The following MAD2L2 variants were observed in gnomAD, a reference collection of about 807,000 sequenced individuals.
MAD2L2 encodes the protein mitotic spindle assembly checkpoint protein MAD2B.
MAD2L2 carries 17 observed loss-of-function variants against 30.5 expected under a neutral mutation model. The ratio of observed to expected loss-of-function variants is 0.56; its 90% CI spans 0.38 to 0.84. MAD2L2 has a LOEUF of 0.84. Ranked by LOEUF, MAD2L2 falls within the 40% of genes least tolerant of loss-of-function variation. MAD2L2 has a pLI of 0.00. For missense variants in MAD2L2, 213 were observed against 277.4 expected (o/e 0.77, Z 1.65); for synonymous variants, 101 against 113.9 (o/e 0.89, Z 0.72).
At chr1:11,685,569 T>G (rs1570294667), upstream of MAD2L2, among the ~76,000 whole-genome samples, 1 of 152,206 alleles carries the variant, frequency 6.6e-6, no homozygotes, top group African/African-American at 2.4e-5. Context: ...AACCTCAGTT[T>G]GCTCATCTGT....
chr1:11,682,280 A>C (rs1640891823), upstream of MAD2L2, among the ~76,000 whole-genome samples: 1 of 152,186 alleles, frequency 6.6e-6, no homozygotes. Flanking sequence ...CTAAGATCTG[A>C]GAAGCAGCTA....
chr1:11,689,531 G>T (rs1641023729), intron 1 of MAD2L2, among the ~76,000 whole-genome samples: 1 of 152,128 alleles, frequency 6.6e-6, no homozygotes, highest in Non-Finnish European at 1.5e-5. Flanking sequence ...GGGAGGTGGA[G>T]GTTGCAGTGA....
rs1640751151 is a variant in MAD2L2, at chr1:11,675,707, TG to T, written c.451del (p.His151ThrfsTer36). 1 of 1,613,972 alleles carries T rather than the reference TG, an allele frequency of 6.2e-7. No individual in the cohort carries two copies. The highest frequency in any genetic ancestry group is 8.5e-7 in the Non-Finnish European group (1 of 1,179,998). On this transcript the variant is annotated frameshift_variant, in exon 7 of 9. Transcript: ENST00000376692. LOFTEE classifies it high-confidence loss of function. ...GTTGCGAGTGGCGGCTTCTCTCGTG[TG>T]CACCAGGACTGTGAAGGTACAGCCT... is the stretch of plus-strand genomic sequence containing the variant. The part of the protein sequence containing the change: ...PPGCTFTVLV[H>X]TREAATRNME...
At chr1:11,689,757 C>T (rs1641028027) in intron 1 of MAD2L2, among the ~76,000 whole-genome samples, 1 of 152,126 alleles carries the variant, frequency 6.6e-6, no homozygotes, top group Non-Finnish European at 1.5e-5. Flanking sequence ...TCTTAATAAA[C>T]TTTTTACTCT....
At chr1:11,679,672 G>A (rs997147548) in intron 3 of MAD2L2, among the ~76,000 whole-genome samples, 3 of 151,630 alleles carry the variant, frequency 2.0e-5, no homozygotes, top group Non-Finnish European at 2.9e-5. Context: ...GATTACAGGC[G>A]CGTACCACCA....
At chr1:11,680,956 G>T in intron 1 of MAD2L2, 83 bp downstream of exon 1, 1 of 254,290 alleles carries the variant, frequency 3.9e-6, no homozygotes, top group Non-Finnish European at 6.9e-6. Flanking sequence ...GGAAAGCGAA[G>T]CGGGGTTGGA....
chr1:11,686,229 T>C (rs1402358531), intron 1 of MAD2L2, among the ~76,000 whole-genome samples: 1 of 152,160 alleles, frequency 6.6e-6, no homozygotes, highest in Non-Finnish European at 1.5e-5. Flanking sequence ...AAGGACTTCC[T>C]GCTGACAGCT....
upstream of MAD2L2, among the ~76,000 whole-genome samples, chr1:11,684,724 T>C (rs1640930170): frequency 6.6e-6 from 1 of 152,058 alleles, no homozygotes; most frequent in Non-Finnish European, 1.5e-5. Context: ...GAATCAGCTC[T>C]CCCACCCTGC....
chr1:11,674,532 G>C lies in MAD2L2; in HGVS notation c.*243C>G. The C allele has an allele frequency of 1.9e-6, 1 of 521,868 alleles. No homozygotes were observed. The allele number at this position is 521,868 out of a possible 1,614,324, so 32.3% of individuals were successfully genotyped here. On this transcript the variant is annotated 3_prime_UTR_variant, in exon 9 of 9. Coordinates refer to ENST00000376692, the MANE Select transcript of MAD2L2 (RefSeq NM_006341.4). This position sits in a 1 kb window ranked among gnomAD's most constrained non-coding sequence, Gnocchi z 6.1. ...TGAAACAACTCACAGCACAGTATTT[G>C]AGACAGACAGTGTTGGCCGGCGGAA...
upstream of MAD2L2, among the ~76,000 whole-genome samples, chr1:11,682,978 C>A (rs1309670184): frequency 6.6e-6 from 1 of 152,198 alleles, no homozygotes; most frequent in African/African-American, 2.4e-5. Flanking sequence ...CTCCTTGAGA[C>A]TGACTCATTG....
chr1:11,682,238 T>C (rs1437749655), upstream of MAD2L2, among the ~76,000 whole-genome samples: 2 of 152,152 alleles, frequency 1.3e-5, no homozygotes, highest in African/African-American at 4.8e-5. Context: ...CTTCCACTTA[T>C]TTACAGCCCC....
chr1:11,680,592 G>T lies in MAD2L2; in HGVS notation c.10C>A (p.Leu4Ile). The part of the protein sequence containing the change: MTT[L>I]TRQDLNFGQV... ...CCAAAGTTGAGGTCTTGTCGTGTGA[G>T]CGTGGTCATCCTTCCCGCTACCTGA... The change falls in exon 2 of 9, where the codon CTC (leucine) becomes ATC (isoleucine). Residue 4 changes from leucine to isoleucine, a missense_variant. Physicochemically the swap from Leu to Ile is conservative, Grantham distance 5. Coordinates refer to ENST00000376692, the MANE Select transcript of MAD2L2 (RefSeq NM_006341.4). The T allele has an allele frequency of 6.3e-7, 1 of 1,577,514 alleles. No individual in the cohort carries two copies. The highest frequency in any genetic ancestry group is 2.3e-5 in the East Asian group (1 of 44,222).
At chr1:11,682,113 C>T (rs950623068), upstream of MAD2L2, 1 of 152,226 alleles carries the variant, frequency 6.6e-6, no homozygotes, top group African/African-American at 2.4e-5. Context: ...GCTAAGTCTC[C>T]ATTTTATAGC....
upstream of MAD2L2, among the ~76,000 whole-genome samples, chr1:11,682,265 G>A (rs1368851506): frequency 6.6e-6 from 1 of 152,138 alleles, no homozygotes; most frequent in South Asian, 2.1e-4. Flanking sequence ...TTACAAGTGA[G>A]AAAACTAAGA....
In MAD2L2 at chr1:11,690,012, T is replaced by C. The variant is rs574903186; in HGVS notation, c.-692+1401A>G. ...AACCACGTGGCTCATTACCTCCTTTTCTTTGCCAAAAGAACTGCCCCAGCA... is the reference window on the plus strand; with the variant it reads ...AACCACGTGGCTCATTACCTCCTTTCCTTTGCCAAAAGAACTGCCCCAGCA... On this transcript the variant is annotated intron_variant, in intron 1 of 10. Coordinates refer to the MAD2L2 transcript ENST00000235310. This position sits in a 1 kb window ranked among gnomAD's most constrained non-coding sequence, Gnocchi z 4.2. 2.0e-3 allele frequency among the ~76,000 whole-genome samples: 299 copies of C among 152,150 alleles called. 2 individuals are homozygous for C. Among genetic ancestry groups the C allele is most frequent in the African/African-American group, 6.8e-3 (282 of 41,492 alleles).
chr1:11,689,292 CAAAAAAAAAA>C (rs70983584), intron 1 of MAD2L2, among the ~76,000 whole-genome samples: 2 of 67,988 alleles, frequency 2.9e-5, no homozygotes, highest in South Asian at 6.2e-4. Context: ...GACTCTGTCT[CAAAAAAAAAA>C]AAAAAAAAAA....
At chr1:11,682,696 G>A (rs923411380), upstream of MAD2L2, among the ~76,000 whole-genome samples, 1 of 152,110 alleles carries the variant, frequency 6.6e-6, no homozygotes, top group East Asian at 1.9e-4. Flanking sequence ...CCAGGGGCCC[G>A]GATGCCCAGC....
rs2100723604 is a variant in MAD2L2, at chr1:11,690,409, G to C, written c.-692+1004C>G. 6.6e-6 allele frequency among the ~76,000 whole-genome samples: 1 copy of C among 152,282 alleles called. No individual in the cohort carries two copies. Among genetic ancestry groups the C allele is most frequent in the African/African-American group, 2.4e-5 (1 of 41,560 alleles). On this transcript the variant is annotated intron_variant, in intron 1 of 10. Coordinates refer to the MAD2L2 transcript ENST00000235310. This position sits in a 1 kb window ranked among gnomAD's most constrained non-coding sequence, Gnocchi z 4.2. Reference sequence around the variant, plus strand: ...AATTTTACAGGAGCATTTCCTATGGGCCAGACCTTAGAAACGTTATCTCCT... The same window carrying C: ...AATTTTACAGGAGCATTTCCTATGGCCCAGACCTTAGAAACGTTATCTCCT...
Position 11,678,143 on chromosome 1 carries a change from AG to A in MAD2L2, c.160-530del, listed in dbSNP as rs1291326406. Among the ~76,000 whole-genome samples, 19 of 151,654 alleles carry A rather than the reference AG, an allele frequency of 1.3e-4. 1 individual carries two copies. Among genetic ancestry groups the A allele is most frequent in the Admixed American group, 1.2e-3 (18 of 15,226 alleles). On this transcript the variant is annotated intron_variant, in intron 3 of 8. Coordinates refer to ENST00000376692, the MANE Select transcript of MAD2L2 (RefSeq NM_006341.4). The stretch of plus-strand genomic sequence containing the variant: ...GAAGATAAGAACTCAGGCTGGGCAC[AG>A]TGGCTCACTCCTCTAATCCCAGCAC...
Sources: gnomAD v4.1 joint callset for allele counts (sites outside exome capture counted in the v4.1 genomes callset) on GRCh38, gnomAD v4.1.1 for gene constraint, Gnocchi (gnomAD v3.1) non-coding constraint, MANE v1.5 for transcripts, NCBI Gene and HGNC (gene_info 2026-07-23, HGNC 2026-07-21) for gene names.